The following PRKG1 variants were observed in gnomAD, a reference collection of about 807,000 sequenced individuals.
The protein encoded by PRKG1 is cGMP-dependent protein kinase 1.
A neutral mutation model predicts 88.1 loss-of-function variants in PRKG1; 35 were observed. The ratio of observed to expected loss-of-function variants is 0.40; its 90% CI spans 0.30 to 0.53. The LOEUF is 0.53. Among genes scored for constraint, PRKG1 ranks in the 20% least tolerant of loss-of-function variants. The pLI, the probability that PRKG1 is intolerant of heterozygous loss-of-function variation, is 0.59. For synonymous variants in PRKG1, 303 were observed against 292.5 expected (o/e 1.04, Z -0.37); for missense variants, 540 against 839.8 (o/e 0.64, Z 4.41).
intron 2 of PRKG1, among the ~76,000 whole-genome samples, chr10:51,379,922 G>A (rs1377563517): frequency 6.6e-6 from 1 of 152,118 alleles, no homozygotes; most frequent in Non-Finnish European, 1.5e-5. Flanking sequence ...ACCATACTGG[G>A]CTAAAATAAG....
At chr10:52,284,345 CATT>C (rs1392417310) in intron 14 of PRKG1, among the ~76,000 whole-genome samples, 2 of 151,836 alleles carry the variant, frequency 1.3e-5, no homozygotes, top group African/African-American at 2.4e-5. Flanking sequence ...TATATCGAAA[CATT>C]ATGATTAAAC....
chr10:52,043,939 A>G (rs1440547864), intron 5 of PRKG1, among the ~76,000 whole-genome samples: 1 of 150,378 alleles, frequency 6.6e-6, no homozygotes, highest in Admixed American at 6.6e-5. Context: ...AAACCCAAGC[A>G]TTTGTGGAAT....
intron 3 of PRKG1, among the ~76,000 whole-genome samples, chr10:51,776,547 G>A (rs574896758): frequency 7.9e-5 from 12 of 152,066 alleles, no homozygotes; most frequent in African/African-American, 2.7e-4. Context: ...AATATAGGCC[G>A]GGCATGGTGG....
chr10:51,494,386 A>G (rs1840795146), intron 3 of PRKG1, among the ~76,000 whole-genome samples: 1 of 152,234 alleles, frequency 6.6e-6, no homozygotes, highest in Admixed American at 6.5e-5. Context: ...AAAATGGGTA[A>G]CTATTGCCAG....
chr10:51,049,240 AAGAG>A (rs772736080), intron 1 of PRKG1, among the ~76,000 whole-genome samples: 57 of 152,294 alleles, frequency 3.7e-4, no homozygotes, highest in Admixed American at 6.5e-4. Flanking sequence ...TGTGCCTAGG[AAGAG>A]AGAGACTTGA....
intron 3 of PRKG1, among the ~76,000 whole-genome samples, chr10:51,721,349 T>C (rs1321127097): frequency 6.6e-6 from 1 of 152,212 alleles, no homozygotes; most frequent in Non-Finnish European, 1.5e-5. Context: ...TGCACTCATG[T>C]ACTTCAAGGC....
At chr10:51,319,793 C>T in intron 2 of PRKG1, 1 of 152,578 alleles carries the variant, frequency 6.6e-6, no homozygotes, top group Non-Finnish European at 1.5e-5. Flanking sequence ...AAAAGTGCAT[C>T]CTGCCGCAAT....
At chr10:52,145,371 GTATGAGTGAATAAGAAAA>G (rs1837703169) in intron 8 of PRKG1, among the ~76,000 whole-genome samples, 1 of 152,110 alleles carries the variant, frequency 6.6e-6, no homozygotes, top group South Asian at 2.1e-4. Flanking sequence ...TAAACAAGTT[GTATGAGTGAATAAGAAAA>G]TATAAAAGAT....
chr10:51,410,370 G>A (rs1384904438), intron 2 of PRKG1, among the ~76,000 whole-genome samples: 1 of 151,826 alleles, frequency 6.6e-6, no homozygotes, highest in Non-Finnish European at 1.5e-5. Flanking sequence ...GGAGCAAGGA[G>A]AGCCACTCCG....
At chr10:51,224,347 G>A (rs1163405434) in intron 2 of PRKG1, among the ~76,000 whole-genome samples, 4 of 152,188 alleles carry the variant, frequency 2.6e-5, no homozygotes, top group East Asian at 3.9e-4. Flanking sequence ...TTCCATGGTA[G>A]CATGTTCCAT....
At chr10:51,815,884 C>T (rs1344685843) in intron 4 of PRKG1, among the ~76,000 whole-genome samples, 1 of 152,150 alleles carries the variant, frequency 6.6e-6, no homozygotes, top group African/African-American at 2.4e-5. Flanking sequence ...CCCTTAGAGG[C>T]AGCATGAGCA....
intron 2 of PRKG1, among the ~76,000 whole-genome samples, chr10:51,431,530 A>G (rs566585163): frequency 6.6e-6 from 1 of 152,296 alleles, no homozygotes; most frequent in South Asian, 2.1e-4. Flanking sequence ...TGAGAATTTA[A>G]GAAGATAGTT....
At chr10:51,314,883 A>G (rs768529385) in intron 2 of PRKG1, among the ~76,000 whole-genome samples, 10 of 152,212 alleles carry the variant, frequency 6.6e-5, no homozygotes, top group African/African-American at 1.4e-4. Context: ...AAGTTCTGCA[A>G]TTCTAACTGT....
At chr10:51,481,535 C>T (rs1840359631) in intron 3 of PRKG1, among the ~76,000 whole-genome samples, 1 of 152,160 alleles carries the variant, frequency 6.6e-6, no homozygotes, top group South Asian at 2.1e-4. Context: ...AGGCATGAGC[C>T]ACCATGCCCG....
intron 9 of PRKG1, among the ~76,000 whole-genome samples, chr10:52,251,269 G>A (rs1424881586): frequency 5.9e-5 from 9 of 152,074 alleles, no homozygotes; most frequent in Admixed American, 5.9e-4. Context: ...ACAAGAAGAC[G>A]CGTAGAAAAA....
At chr10:52,254,546 A>G (rs1841262632) in intron 10 of PRKG1, among the ~76,000 whole-genome samples, 1 of 152,034 alleles carries the variant, frequency 6.6e-6, no homozygotes, top group Non-Finnish European at 1.5e-5. Context: ...CCAGTGGAGT[A>G]TAAAGAATTT....
At chr10:51,088,170 T>C (rs1844302686) in intron 1 of PRKG1, among the ~76,000 whole-genome samples, 1 of 152,194 alleles carries the variant, frequency 6.6e-6, no homozygotes, top group Non-Finnish European at 1.5e-5. Flanking sequence ...ATTTTGTTTG[T>C]TTTTAGTTTA....
At chr10:51,799,172 T>G (rs564629282) in intron 3 of PRKG1, among the ~76,000 whole-genome samples, 3 of 152,026 alleles carry the variant, frequency 2.0e-5, no homozygotes, top group African/African-American at 4.8e-5. Flanking sequence ...CTGAGTCCTG[T>G]CCTCCTCCAG....
chr10:51,506,340 A>G (rs1412385934), intron 3 of PRKG1, among the ~76,000 whole-genome samples: 2 of 152,128 alleles, frequency 1.3e-5, no homozygotes, highest in Non-Finnish European at 2.9e-5. Context: ...CTGCACAGCA[A>G]AAGAAACTAC....
Sources: gnomAD v4.1 joint callset for allele counts (sites outside exome capture counted in the v4.1 genomes callset) on GRCh38, gnomAD v4.1.1 for gene constraint, MANE v1.5 for transcripts, NCBI Gene and HGNC (gene_info 2026-07-23, HGNC 2026-07-21) for gene names.